EYS: variants seen among roughly 807,000 people sequenced by gnomAD.
The protein encoded by EYS is protein eyes shut homolog.
Under a neutral mutation model 282.1 loss-of-function variants are expected in EYS, and 250 were observed. That is an observed-to-expected ratio of 0.89 (90% confidence interval 0.80 to 0.98). EYS has a LOEUF of 0.98. Among genes scored for constraint, EYS ranks in the 50% least tolerant of loss-of-function variants. The probability of loss-of-function intolerance (pLI) is 0.00; values close to 1 mark genes in which losing one functional copy is unlikely to be tolerated. For missense variants in EYS, 4,016 were observed against 3,709.0 expected, an observed-to-expected ratio of 1.08 and a Z score of -2.15; for synonymous variants, 1,355 against 1,282.9, an observed-to-expected ratio of 1.06 and a Z score of -1.20.
chr6:65,592,622 A>T (rs1197766927), intron 2 of EYS, among the ~76,000 whole-genome samples: 5 of 151,966 alleles, frequency 3.3e-5, no homozygotes, highest in Non-Finnish European at 5.9e-5. Context: ...AGACATGAGG[A>T]AACTATAGTC....
At chr6:63,975,926 T>A (rs778616748) in intron 35 of EYS, among the ~76,000 whole-genome samples, 2 of 152,004 alleles carry the variant, frequency 1.3e-5, no homozygotes, top group Non-Finnish European at 2.9e-5. Context: ...CAAACCCAGA[T>A]GGCATAGCTT....
At chr6:65,032,249 A>G (rs1772628215) in intron 13 of EYS, among the ~76,000 whole-genome samples, 1 of 152,204 alleles carries the variant, frequency 6.6e-6, no homozygotes, top group Admixed American at 6.5e-5. Flanking sequence ...GAATCAGAAA[A>G]GCCTACCAAC....
chr6:63,983,788 C>T (rs1767220655), intron 35 of EYS, among the ~76,000 whole-genome samples: 1 of 151,602 alleles, frequency 6.6e-6, no homozygotes, highest in Non-Finnish European at 1.5e-5. Flanking sequence ...AAATGAGACT[C>T]CCTCAGGGTT....
chr6:65,171,808 T>C (rs950206863), intron 12 of EYS, among the ~76,000 whole-genome samples: 1 of 151,540 alleles, frequency 6.6e-6, no homozygotes, highest in Non-Finnish European at 1.5e-5. Context: ...TGTAATTCTA[T>C]ACATGACTGA....
intron 29 of EYS, among the ~76,000 whole-genome samples, chr6:64,365,564 G>A (rs1158799827): frequency 6.6e-6 from 1 of 151,972 alleles, no homozygotes; most frequent in Non-Finnish European, 1.5e-5. Flanking sequence ...TCTCTGCACT[G>A]AGAGTGTGCC....
At chr6:65,024,032 T>C (rs919353803) in intron 13 of EYS, among the ~76,000 whole-genome samples, 1 of 152,298 alleles carries the variant, frequency 6.6e-6, no homozygotes, top group African/African-American at 2.4e-5. Flanking sequence ...CCCTCTTCTT[T>C]AAAGCAAGAG....
intron 24 of EYS, among the ~76,000 whole-genome samples, chr6:64,609,247 A>G (rs1461332339): frequency 6.6e-6 from 1 of 152,158 alleles, no homozygotes; most frequent in Admixed American, 6.5e-5. Context: ...TTACCTAAGC[A>G]CATGTTGTGG....
chr6:64,477,428 T>C (rs925005711), intron 26 of EYS, among the ~76,000 whole-genome samples: 1 of 152,146 alleles, frequency 6.6e-6, no homozygotes, highest in South Asian at 2.1e-4. Context: ...GCTTTTGATA[T>C]ACTCACTTCA....
chr6:64,344,660 A>T (rs1263449414), intron 29 of EYS, among the ~76,000 whole-genome samples: 1 of 152,114 alleles, frequency 6.6e-6, no homozygotes, highest in African/African-American at 2.4e-5. Context: ...GCCCTCTCTC[A>T]CCACTCCTAT....
intron 33 of EYS, among the ~76,000 whole-genome samples, chr6:64,045,600 C>G (rs1352375150): frequency 6.6e-6 from 1 of 151,164 alleles, no homozygotes; most frequent in Non-Finnish European, 1.5e-5. Context: ...CACCCGCCAC[C>G]AGGCTCAGCT....
At chr6:65,544,922 A>C (rs1768325286) in intron 2 of EYS, among the ~76,000 whole-genome samples, 1 of 152,140 alleles carries the variant, frequency 6.6e-6, no homozygotes, top group Admixed American at 6.5e-5. Context: ...TTATAAAATA[A>C]TTTAAAAGAA....
intron 22 of EYS, among the ~76,000 whole-genome samples, chr6:64,632,303 A>T (rs1442270841): frequency 5.8e-5 from 1 of 17,180 alleles, no homozygotes; most frequent in Admixed American, 1.1e-3. Flanking sequence ...TTTTCTTAAG[A>T]TATGCAAAAA....
chr6:65,531,945 G>A (rs1307810572), intron 2 of EYS, among the ~76,000 whole-genome samples: 1 of 151,976 alleles, frequency 6.6e-6, no homozygotes, highest in African/African-American at 2.4e-5. Flanking sequence ...GAACCTAGAA[G>A]GGAATTTGTT....
At chr6:65,034,358 C>A (rs145362041) in intron 13 of EYS, among the ~76,000 whole-genome samples, 2 of 151,970 alleles carry the variant, frequency 1.3e-5, no homozygotes, top group Admixed American at 6.6e-5. Flanking sequence ...ATGAGATTTG[C>A]GAGGGGCCAG....
chr6:65,672,447 C>A (rs1312221255), intron 1 of EYS, among the ~76,000 whole-genome samples: 1 of 152,018 alleles, frequency 6.6e-6, no homozygotes, highest in African/African-American at 2.4e-5. Context: ...TTTGAGAGAC[C>A]CGCAAAATAT....
At chr6:64,551,342 G>A (rs1296944104) in intron 26 of EYS, among the ~76,000 whole-genome samples, 1 of 151,780 alleles carries the variant, frequency 6.6e-6, no homozygotes, top group Non-Finnish European at 1.5e-5. Context: ...AATTGTACAA[G>A]TGAGGGGCAG....
intron 2 of EYS, among the ~76,000 whole-genome samples, chr6:65,529,916 A>G (rs553135143): frequency 6.6e-6 from 1 of 152,314 alleles, no homozygotes; most frequent in Admixed American, 6.5e-5. Context: ...TCCAGCCTCT[A>G]GAAGTAGGAA....
At chr6:65,223,108 G>A (rs752709840) in intron 12 of EYS, among the ~76,000 whole-genome samples, 1 of 152,056 alleles carries the variant, frequency 6.6e-6, no homozygotes, top group Non-Finnish European at 1.5e-5. Context: ...TTAAAGCTCT[G>A]GACCTCTAAT....
chr6:64,003,524 G>A (rs1001697509), intron 33 of EYS, among the ~76,000 whole-genome samples: 1 of 152,014 alleles, frequency 6.6e-6, no homozygotes, highest in Non-Finnish European at 1.5e-5. Flanking sequence ...TTTACACATT[G>A]TGTATCTGTG....
Sources: allele counts gnomAD v4.1 joint callset (sites outside exome capture counted in the v4.1 genomes callset), GRCh38; gene constraint gnomAD v4.1.1; transcripts MANE v1.5; gene names NCBI Gene and HGNC (gene_info 2026-07-23, HGNC 2026-07-21).